The following CYP51A1 variants were observed in gnomAD, a reference collection of about 807,000 sequenced individuals.
CYP51A1 encodes lanosterol 14-alpha demethylase.
Under a neutral mutation model 53.5 loss-of-function variants are expected in CYP51A1, and 45 were observed. That is an observed-to-expected ratio of 0.84 (90% CI 0.66 to 1.08). CYP51A1 has a LOEUF of 1.08. Among genes scored for constraint, CYP51A1 ranks in the 50% least tolerant of loss-of-function variants. CYP51A1 has a pLI of 0.00. For missense variants in CYP51A1, 462 were observed against 621.7 expected, an observed-to-expected ratio of 0.74 and a Z score of 2.73; for synonymous variants, 181 against 217.7, an observed-to-expected ratio of 0.83 and a Z score of 1.48.
chr7:92,130,847 T>C (rs979780166), intron 2 of CYP51A1, among the ~76,000 whole-genome samples: 2 of 152,182 alleles, frequency 1.3e-5, no homozygotes, highest in African/African-American at 2.4e-5. Context: ...TTAGTCACTG[T>C]AATGAGTGGA....
At position 92,113,408 on chromosome 7, in the gene CYP51A1, C is replaced by T; in HGVS notation, c.*257G>A. ...TTAGAATCTGCCAATTACCTAGATC[C>T]CCCCTCAACAATTGTTTCACCAAGG... On this transcript the variant is annotated 3_prime_UTR_variant, in exon 10 of 10. Transcript: ENST00000003100. The T allele has an allele frequency of 5.4e-6, 2 of 371,140 alleles. No homozygotes were observed. The highest frequency in any genetic ancestry group is 4.0e-5 in the South Asian group (1 of 24,966). 23.0% of individuals were successfully genotyped at this position (371,140 alleles called of 1,614,324 possible).
At chr7:92,117,479 G>T in intron 8 of CYP51A1, 1 of 272,976 alleles carries the variant, frequency 3.7e-6, no homozygotes, top group African/African-American at 2.2e-5. Flanking sequence ...TTTCCAGTGA[G>T]CCAGCGTTGG....
rs375120687 is a variant in CYP51A1 at position 92,118,118 on chromosome 7, A to G, written c.1182+402T>C. 2.6e-5 allele frequency among the ~76,000 whole-genome samples: 4 copies of G among 151,962 alleles called. 1 individual carries two copies. On this transcript the variant is annotated intron_variant, in intron 8 of 9. Coordinates refer to ENST00000003100, the MANE Select transcript of CYP51A1 (RefSeq NM_000786.4). ...TTTTTAATTTAAAAAAATCTCTTTT[A>G]TGCTACTCTACTTCCTCTTTTCTTT...
rs532241426 is a variant in CYP51A1 at position 92,132,866 on chromosome 7, T to C, written c.193-994A>G. ...CTGCAGATTACAACATTAAGTATCC[T>C]GAAAATCAAACAAAATAATGAAAAA... On this transcript the variant is annotated intron_variant, in intron 1 of 9. Transcript: ENST00000003100. Among the ~76,000 whole-genome samples the C allele has an allele frequency of 9.2e-5, 14 of 152,244 alleles. No individual in the cohort carries two copies. The South Asian group carries it at 2.5e-3, about 27-fold the overall frequency.
chr7:92,124,600 A>G (rs912509146), intron 5 of CYP51A1, among the ~76,000 whole-genome samples: 1 of 152,238 alleles, frequency 6.6e-6, no homozygotes, highest in Non-Finnish European at 1.5e-5. Flanking sequence ...TTCATTTACA[A>G]GACTGTTAAT....
chr7:92,118,960 AGAAATCTGAATC>A (rs1819632501), intron 7 of CYP51A1, among the ~76,000 whole-genome samples: 1 of 152,210 alleles, frequency 6.6e-6, no homozygotes, highest in Non-Finnish European at 1.5e-5. Flanking sequence ...TTCAAGAAAA[AGAAATCTGAATC>A]TTGGTAAGAA....
chr7:92,114,857 C>A (rs778320679), intron 9 of CYP51A1, among the ~76,000 whole-genome samples: 1 of 152,158 alleles, frequency 6.6e-6, no homozygotes. Flanking sequence ...TTGGGCATTT[C>A]ATTGCAAGAT....
At chr7:92,131,735 T>TG (rs766191355) in intron 2 of CYP51A1, 39 bp downstream of exon 2, 4 of 1,011,894 alleles carry the variant, frequency 4.0e-6, no homozygotes, top group African/African-American at 3.8e-5. Flanking sequence ...CTTCTCTAGT[T>TG]GTTTTTTTTT....
intron 7 of CYP51A1, among the ~76,000 whole-genome samples, chr7:92,118,840 C>T (rs1563177938): frequency 6.6e-6 from 1 of 152,128 alleles, no homozygotes; most frequent in Non-Finnish European, 1.5e-5. Flanking sequence ...TAAGAACCTA[C>T]AAAAATTCAC....
chr7:92,121,450 C>A, intron 7 of CYP51A1, among the ~76,000 whole-genome samples: 1 of 152,000 alleles, frequency 6.6e-6, no homozygotes, highest in East Asian at 1.9e-4. Context: ...ACCTTATAAC[C>A]CAGCAATTCT....
chr7:92,117,325 C>T (rs1301806085), intron 8 of CYP51A1, 113 bp from the exon 9 acceptor site: 11 of 851,934 alleles, frequency 1.3e-5, no homozygotes, highest in Admixed American at 8.3e-5. Context: ...TGCTCCTTGA[C>T]TTATGATAGG....
rs312262913 is a variant in CYP51A1 at position 92,127,505 on chromosome 7, T to C, written c.595A>G (p.Asn199Asp). 2 of 1,605,386 alleles carry C rather than the reference T, an allele frequency of 1.2e-6. No homozygotes were observed. Among genetic ancestry groups the C allele is most frequent in the Non-Finnish European group, 1.7e-6 (2 of 1,177,654 alleles). Residue 199 changes from asparagine to aspartate, a missense_variant and splice_region_variant, in exon 4 of 10, where the codon AAT becomes GAT. Asn to Asp is a conservative substitution (Grantham distance 23, BLOSUM62 1). Transcript: ENST00000003100. ...FESWGESGEK[N>D]VFEALSELII... is the part of the protein sequence containing the mutation. ...GACAAACATAAAACATTTTGCTTAC[T>C]TTTTTCTCCACTTTCTCCCCAACTC...
At chr7:92,114,932 G>A (rs1226039321) in intron 9 of CYP51A1, among the ~76,000 whole-genome samples, 1 of 152,156 alleles carries the variant, frequency 6.6e-6, no homozygotes, top group African/African-American at 2.4e-5. Flanking sequence ...GCCCATAACT[G>A]TACTTATTTC....
chr7:92,123,621 G>C, intron 6 of CYP51A1, 113 bp downstream of exon 6: 1 of 1,032,402 alleles, frequency 9.7e-7, no homozygotes, highest in Non-Finnish European at 1.4e-6. Context: ...AAAGATCACA[G>C]CTACCAACTT....
rs751270903 is a variant in CYP51A1, at chr7:92,112,341, T to TA, written c.*1323dup. On this transcript the variant is annotated 3_prime_UTR_variant, in exon 10 of 10. Transcript: ENST00000003100. The stretch of plus-strand genomic sequence containing the variant: ...CATCTCATATAGTTAGGCCCCGAGT[T>TA]ACAATTTGAGATAAGTTGATTCCTA... The TA allele has an allele frequency of 2.4e-4, 36 of 152,346 alleles. No homozygotes were observed. Among genetic ancestry groups the TA allele is most frequent in the Non-Finnish European group, 4.0e-4 (27 of 68,038 alleles). The allele number at this position is 152,346 out of a possible 1,614,324, so 9.4% of individuals were successfully genotyped here. A position where few individuals can be genotyped will look rare whatever the true frequency, so the allele number is the denominator to read the frequency against.
chr7:92,134,243 G>T lies in CYP51A1; in HGVS notation c.122C>A (p.Ala41Asp). 1 of 1,613,466 alleles carries T rather than the reference G, an allele frequency of 6.2e-7. No homozygotes were observed. Among genetic ancestry groups the T allele is most frequent in the Non-Finnish European group, 8.5e-7 (1 of 1,179,752 alleles). ...NLLSMLLIAC[A>D]FTLSLVYLIR... ...CAGGTAGACCAGGCTGAGGGTGAAG[G>T]CGCAGGCGATCAGCAGCATGGACAA... The change falls in exon 1 of 10, where the codon GCC becomes GAC. Residue 41 changes from alanine to aspartate, a missense_variant. Coordinates refer to ENST00000003100, the MANE Select transcript of CYP51A1 (RefSeq NM_000786.4).
At chr7:92,113,946 A>C (rs999890809) in intron 9 of CYP51A1, 103 bp from the exon 10 acceptor site, 4 of 648,144 alleles carry the variant, frequency 6.2e-6, no homozygotes, top group Non-Finnish European at 1.0e-5. Flanking sequence ...AAATGTACAG[A>C]TAATATAATA....
chr7:92,122,517 T>TC (rs1334374531), intron 7 of CYP51A1, among the ~76,000 whole-genome samples: 1 of 152,156 alleles, frequency 6.6e-6, no homozygotes, highest in Non-Finnish European at 1.5e-5. Context: ...GTAGGATTTA[T>TC]CCCAGGAATA....
chr7:92,129,194 G>C, intron 2 of CYP51A1, 138 bp from the exon 3 acceptor site: 1 of 510,548 alleles, frequency 2.0e-6, no homozygotes, highest in East Asian at 3.2e-5. Context: ...TTTTCATCTT[G>C]CCATACTCCT....
Sources: gnomAD v4.1 joint callset for allele counts (sites outside exome capture counted in the v4.1 genomes callset) on GRCh38, gnomAD v4.1.1 for gene constraint, MANE v1.5 for transcripts, NCBI Gene and HGNC (gene_info 2026-07-23, HGNC 2026-07-21) for gene names.